ATP10B: variants seen among roughly 807,000 people sequenced by gnomAD.
ATP10B encodes phospholipid-transporting ATPase VB.
A neutral mutation model predicts 141.2 loss-of-function variants in ATP10B; 122 were observed. The observed-to-expected ratio is 0.86, with a 90% CI of 0.75 to 1.00. The LOEUF is 1.00. ATP10B is among the 50% of genes least tolerant of loss of function. The pLI, the probability that ATP10B is intolerant of heterozygous loss-of-function variation, is 0.00. For missense variants in ATP10B, 1,876 were observed against 1,825.3 expected (o/e 1.03, Z -0.51); for synonymous variants, 685 against 692.0 (o/e 0.99, Z 0.16).
intron 24 of ATP10B, among the ~76,000 whole-genome samples, chr5:160,585,515 A>C (rs77298134): frequency 0.018 from 2,802 of 152,280 alleles, 82 homozygotes; most frequent in African/African-American, 0.063. Flanking sequence ...AGGCAGAAGA[A>C]TCTTTTGAAC....
rs1165035172 is a variant in ATP10B, at chr5:160,627,633, C to T, written c.1620+4496G>A. ...AGAATACTGTAGAGAAACTCAAACACATATATAAACAGATGATGGCTCAAC... is the reference window on the plus strand; with the variant it reads ...AGAATACTGTAGAGAAACTCAAACATATATATAAACAGATGATGGCTCAAC... On this transcript the variant is annotated intron_variant, in intron 13 of 25. Coordinates refer to ENST00000327245, the MANE Select transcript of ATP10B (RefSeq NM_025153.3). Among the ~76,000 whole-genome samples, 3 of 152,042 alleles carry T rather than the reference C, an allele frequency of 2.0e-5. No homozygotes were observed. The East Asian group carries it at 5.8e-4, about 29-fold the overall frequency.
intron 3 of ATP10B, among the ~76,000 whole-genome samples, chr5:160,691,363 T>TA (rs1406614046): frequency 1.3e-5 from 2 of 151,846 alleles, no homozygotes; most frequent in Non-Finnish European, 2.9e-5. Flanking sequence ...TAATAATGAT[T>TA]AAAAAAAATG....
At chr5:160,581,552 G>A (rs1330963143) in intron 24 of ATP10B, among the ~76,000 whole-genome samples, 1 of 152,152 alleles carries the variant, frequency 6.6e-6, no homozygotes, top group South Asian at 2.1e-4. Context: ...ATTTGCTGAC[G>A]AGTGTTTTAC....
chr5:160,608,348 G>T (rs1401579417), intron 18 of ATP10B, among the ~76,000 whole-genome samples: 3 of 152,066 alleles, frequency 2.0e-5, no homozygotes, highest in Non-Finnish European at 2.9e-5. Flanking sequence ...ATTTGGGTTG[G>T]TTCCAGGTCT....
chr5:160,833,713 T>C (rs1374406509), intron 1 of ATP10B, among the ~76,000 whole-genome samples: 1 of 152,150 alleles, frequency 6.6e-6, no homozygotes, highest in Non-Finnish European at 1.5e-5. Flanking sequence ...TATAAACAGA[T>C]GGAGAAATTT....
In ATP10B at chr5:160,576,968, C is replaced by T. The variant is rs574718320; in HGVS notation, c.3751-7285G>A. On this transcript the variant is annotated intron_variant, in intron 24 of 25. Coordinates refer to ENST00000327245, the MANE Select transcript of ATP10B (RefSeq NM_025153.3). Reference sequence around the variant, plus strand: ...ATTGGAGATAGGAGGATCTTCTGAACACATTTCCCTCCCAGGAAAAGTCCA... The same window carrying T: ...ATTGGAGATAGGAGGATCTTCTGAATACATTTCCCTCCCAGGAAAAGTCCA... Among the ~76,000 whole-genome samples the T allele has an allele frequency of 5.9e-4, 90 of 152,276 alleles. 1 individual carries two copies. Among genetic ancestry groups the T allele is most frequent in the African/African-American group, 2.0e-3 (85 of 41,556 alleles).
chr5:160,634,931 C>T (rs1005555813), intron 11 of ATP10B, among the ~76,000 whole-genome samples: 5 of 152,294 alleles, frequency 3.3e-5, no homozygotes, highest in Admixed American at 6.5e-5. Context: ...GGCTGCTGCC[C>T]GCTTTTATAG....
chr5:160,821,683 G>A (rs1322149028), intron 1 of ATP10B, among the ~76,000 whole-genome samples: 1 of 152,026 alleles, frequency 6.6e-6, no homozygotes, highest in Non-Finnish European at 1.5e-5. Flanking sequence ...GAGCAGAATA[G>A]AGAGCCCAGA....
intron 1 of ATP10B, among the ~76,000 whole-genome samples, chr5:160,787,318 C>T (rs1181220546): frequency 3.3e-5 from 5 of 152,132 alleles, no homozygotes; most frequent in Admixed American, 1.3e-4. Flanking sequence ...ACATTTACTT[C>T]GTTCACCGTA....
chr5:160,822,989 CATATATAT>C (rs773879988), intron 1 of ATP10B, among the ~76,000 whole-genome samples: 916 of 69,716 alleles, frequency 0.013, 41 homozygotes, highest in African/African-American at 0.038. Flanking sequence ...ATTACATATA[CATATATAT>C]ATACATATAT....
At chr5:160,615,491 G>A (rs1757947244) in intron 17 of ATP10B, among the ~76,000 whole-genome samples, 1 of 151,492 alleles carries the variant, frequency 6.6e-6, no homozygotes, top group South Asian at 2.1e-4. Flanking sequence ...AGACTTTTTG[G>A]CTCCTGTCCC....
intron 7 of ATP10B, among the ~76,000 whole-genome samples, chr5:160,652,535 T>C (rs1760824928): frequency 6.8e-6 from 1 of 146,156 alleles, no homozygotes; most frequent in Non-Finnish European, 1.5e-5. Flanking sequence ...CACAGCTCAC[T>C]GTAGCCTCGA....
the ATP10B span, among the ~76,000 whole-genome samples, chr5:160,919,728 C>T: frequency 2.0e-5 from 3 of 152,166 alleles, no homozygotes; most frequent in Admixed American, 6.5e-5. Flanking sequence ...TCTACAGTGG[C>T]ATCTACCCAT....
chr5:160,921,652 G>T, the ATP10B span, among the ~76,000 whole-genome samples: 5 of 152,196 alleles, frequency 3.3e-5, no homozygotes, highest in Non-Finnish European at 7.3e-5. Flanking sequence ...CATTAAAGTA[G>T]TCTTCCTTTT....
Position 160,622,443 on chromosome 5 carries a change from G to A in ATP10B, c.1763C>T (p.Thr588Ile). The A allele has an allele frequency of 6.2e-7, 1 of 1,614,072 alleles. No individual in the cohort carries two copies. The highest frequency in any genetic ancestry group is 8.5e-7 in the Non-Finnish European group (1 of 1,180,012). The part of the protein sequence containing the change: ...SSIADFFLAL[T>I]ICNSVMVSTT... ...GGACACCATGACAGAGTTGCAGATG[G>A]TTAAGGCAAGGAAGAAATCAGCAAT... Residue 588 changes from threonine (T) to isoleucine (I), a missense_variant, in exon 14 of 26, where the codon ACC becomes ATC. Transcript: ENST00000327245.
Position 160,620,555 on chromosome 5 carries a change from G to A in ATP10B, c.2208C>T (p.Phe736=). 6.2e-7 allele frequency: 1 copy of A among 1,614,122 alleles called. No homozygotes were observed. Among genetic ancestry groups the A allele is most frequent in the South Asian group, 1.1e-5 (1 of 91,084 alleles). ...GCTCAGGTGTCCGGGACACTAGTGT[G>A]AAGCTGTAGGCATGGGCAGCGTGCA... ...ALVHAAHAYS[F]TLVSRTPEQV... Residue 736 remains phenylalanine, a synonymous_variant, in exon 15 of 26, where the codon TTC becomes TTT. Coordinates refer to ENST00000327245, the MANE Select transcript of ATP10B (RefSeq NM_025153.3).
chr5:160,782,944 G>A (rs1770827152), intron 2 of ATP10B, among the ~76,000 whole-genome samples: 1 of 151,918 alleles, frequency 6.6e-6, no homozygotes, highest in Non-Finnish European at 1.5e-5. Flanking sequence ...CCATTATATA[G>A]AAGTATATAT....
intron 21 of ATP10B, among the ~76,000 whole-genome samples, chr5:160,599,665 T>C (rs754885108): frequency 6.6e-6 from 1 of 152,202 alleles, no homozygotes; most frequent in Non-Finnish European, 1.5e-5. Context: ...TGTACTTTCC[T>C]AATGGTCATG....
At chr5:160,824,073 G>A (rs1561895772) in intron 1 of ATP10B, among the ~76,000 whole-genome samples, 1 of 151,932 alleles carries the variant, frequency 6.6e-6, no homozygotes, top group Non-Finnish European at 1.5e-5. Context: ...CCAGGCTGGA[G>A]AACAGTGACG....
Sources: allele counts gnomAD v4.1 joint callset (sites outside exome capture counted in the v4.1 genomes callset), GRCh38; gene constraint gnomAD v4.1.1; transcripts MANE v1.5; gene names NCBI Gene and HGNC (gene_info 2026-07-23, HGNC 2026-07-21).